Variants in ATXN1 observed in about 807,000 individuals in gnomAD.
ATXN1 encodes the protein ataxin 1.
Under a neutral mutation model 56.4 loss-of-function variants are expected in ATXN1, and 8 were observed. That is an observed-to-expected ratio of 0.14 (90% CI 0.08 to 0.26). The LOEUF (loss-of-function observed/expected upper bound fraction) is 0.26, where lower values mean the gene tolerates loss of function less well. Ranked by LOEUF, ATXN1 falls within the 10% of genes least tolerant of loss-of-function variation. The pLI is 1.00. For synonymous variants in ATXN1, 514 were observed against 494.6 expected, an observed-to-expected ratio of 1.04 and a Z score of -0.52; for missense variants, 987 against 1,106.5, an observed-to-expected ratio of 0.89 and a Z score of 1.53.
intron 3 of ATXN1, among the ~76,000 whole-genome samples, chr6:16,597,440 AT>A (rs375525131): frequency 0.081 from 11,552 of 142,956 alleles, 695 homozygotes; most frequent in African/African-American, 0.19. Flanking sequence ...GCATAAATCT[AT>A]TTTTTTTTTT....
intron 6 of ATXN1, among the ~76,000 whole-genome samples, chr6:16,461,044 A>T (rs1361644656): frequency 6.6e-6 from 1 of 152,248 alleles, no homozygotes; most frequent in Non-Finnish European, 1.5e-5. Context: ...AAACCCAAGG[A>T]GGTGGCAGTG....
intron 2 of ATXN1, among the ~76,000 whole-genome samples, chr6:16,684,540 C>T (rs541974579): frequency 6.6e-6 from 1 of 152,200 alleles, no homozygotes; most frequent in African/African-American, 2.4e-5. Flanking sequence ...ATTTGAAAAC[C>T]ACTTATATAA....
In ATXN1 at chr6:16,746,652, G is replaced by A. The variant is rs144880908; in HGVS notation, c.-615+6581C>T. Among the ~76,000 whole-genome samples, 670 of 152,218 alleles carry A rather than the reference G, an allele frequency of 4.4e-3. 3 individuals are homozygous for A. The highest frequency in any genetic ancestry group is 0.015 in the African/African-American group (609 of 41,548). On this transcript the variant is annotated intron_variant, in intron 2 of 7. Coordinates refer to ENST00000436367, the MANE Select transcript of ATXN1 (RefSeq NM_001128164.2). ...GGTAGCAAGAACAGTAAAAAGGAGC[G>A]GAGGAAGTATTCAGGTATGAAACTA...
chr6:16,677,212 G>A (rs908001480), intron 2 of ATXN1, among the ~76,000 whole-genome samples: 6 of 152,078 alleles, frequency 3.9e-5, no homozygotes, highest in African/African-American at 1.2e-4. Context: ...GAGAGATGAC[G>A]AGCAAAGAAC....
chr6:16,475,001 C>G (rs978985936), intron 6 of ATXN1, among the ~76,000 whole-genome samples: 1 of 152,112 alleles, frequency 6.6e-6, no homozygotes, highest in African/African-American at 2.4e-5. Context: ...GACACGGTAA[C>G]CACATCAAAA....
chr6:16,676,938 C>T (rs1758674167), intron 2 of ATXN1, among the ~76,000 whole-genome samples: 1 of 152,060 alleles, frequency 6.6e-6, no homozygotes, highest in Non-Finnish European at 1.5e-5. Flanking sequence ...GTCCACTGAA[C>T]CCTCTGCTGT....
At chr6:16,424,311 C>A (rs1287256910) in intron 6 of ATXN1, among the ~76,000 whole-genome samples, 1 of 152,116 alleles carries the variant, frequency 6.6e-6, no homozygotes, top group South Asian at 2.1e-4. Context: ...ATGAATGGAG[C>A]CTGCGTGCAC....
intron 2 of ATXN1, among the ~76,000 whole-genome samples, chr6:16,663,449 G>A (rs1450421564): frequency 1.3e-5 from 2 of 152,036 alleles, no homozygotes; most frequent in Non-Finnish European, 2.9e-5. Context: ...AACAAATTAA[G>A]ATGTTTCTAT....
At chr6:16,308,134 T>C (rs952223714) in intron 7 of ATXN1, among the ~76,000 whole-genome samples, 1 of 151,982 alleles carries the variant, frequency 6.6e-6, no homozygotes, top group Non-Finnish European at 1.5e-5. Context: ...GAGACCAGCC[T>C]GGCCAGCATG....
At position 16,327,384 on chromosome 6, in the gene ATXN1, A is replaced by C. The variant is rs179990; in HGVS notation, c.927T>G (p.Ala309=). ...HFVPREATKK[A]ESSRLQQAIQ... The stretch of plus-strand genomic sequence containing the variant: ...TGGCCTGCTGCAGCCGGCTGCTCTC[A>C]GCTTTCTTGGTGGCCTCCCGAGGGA... The change falls in exon 7 of 8, where the codon GCT becomes GCG. Residue 309 remains alanine, a synonymous_variant. Coordinates refer to ENST00000436367, the MANE Select transcript of ATXN1 (RefSeq NM_001128164.2). 2.9e-4 allele frequency: 461 copies of C among 1,613,316 alleles called. 3 individuals are homozygous for C. In the South Asian group the frequency reaches 2.9e-3, roughly 10 times the overall value.
intron 2 of ATXN1, among the ~76,000 whole-genome samples, chr6:16,686,836 G>T (rs1374422357): frequency 6.6e-6 from 1 of 152,096 alleles, no homozygotes; most frequent in Non-Finnish European, 1.5e-5. Flanking sequence ...TTTGTGGCCA[G>T]GATTATGTTT....
At chr6:16,701,533 G>A (rs1759283615) in intron 2 of ATXN1, among the ~76,000 whole-genome samples, 1 of 152,198 alleles carries the variant, frequency 6.6e-6, no homozygotes, top group South Asian at 2.1e-4. Flanking sequence ...TAGGAAAAGA[G>A]GAAGTCAAAT....
At chr6:16,663,376 A>C (rs1758363691) in intron 2 of ATXN1, among the ~76,000 whole-genome samples, 2 of 152,190 alleles carry the variant, frequency 1.3e-5, no homozygotes, top group South Asian at 4.1e-4. Flanking sequence ...AGACCAAAAA[A>C]TTTTTTAAAA....
At chr6:16,603,022 T>C (rs1390166408) in intron 3 of ATXN1, among the ~76,000 whole-genome samples, 2 of 152,196 alleles carry the variant, frequency 1.3e-5, no homozygotes, top group Non-Finnish European at 1.5e-5. Flanking sequence ...TAAAGAGCCC[T>C]CTCAGAAGGA....
intron 2 of ATXN1, among the ~76,000 whole-genome samples, chr6:16,674,649 G>A (rs1023695916): frequency 4.6e-5 from 7 of 151,562 alleles, no homozygotes; most frequent in Middle Eastern, 3.2e-3. Flanking sequence ...GAGCCACCAC[G>A]CCCTGCCTAC....
intron 7 of ATXN1, among the ~76,000 whole-genome samples, chr6:16,322,621 C>T (rs1021751031): frequency 6.6e-6 from 1 of 152,112 alleles, no homozygotes; most frequent in East Asian, 1.9e-4. Flanking sequence ...GTTGAGAAGA[C>T]CAGGAAGATT....
At chr6:16,374,777 T>A (rs1417371743) in intron 6 of ATXN1, among the ~76,000 whole-genome samples, 2 of 152,152 alleles carry the variant, frequency 1.3e-5, no homozygotes, top group Non-Finnish European at 2.9e-5. Flanking sequence ...ATTAGGGGAA[T>A]GCTATAGAAG....
intron 2 of ATXN1, chr6:16,737,390 T>G (rs1484377668): frequency 6.6e-6 from 1 of 152,176 alleles, no homozygotes; most frequent in African/African-American, 2.4e-5. Flanking sequence ...AAAGACCAGT[T>G]GATGACTGTT....
chr6:16,389,396 T>C (rs1353026133), intron 6 of ATXN1, among the ~76,000 whole-genome samples: 2 of 148,142 alleles, frequency 1.4e-5, no homozygotes, highest in African/African-American at 2.5e-5. Context: ...TGGTAGCAAA[T>C]ATACACGGAA....
Sources: allele counts gnomAD v4.1 joint callset (sites outside exome capture counted in the v4.1 genomes callset), GRCh38; gene constraint gnomAD v4.1.1; transcripts MANE v1.5; gene names NCBI Gene and HGNC (gene_info 2026-07-23, HGNC 2026-07-21).